The following GPC5 variants were observed in gnomAD, a reference collection of about 807,000 sequenced individuals.
The protein encoded by GPC5 is glypican-5.
Under a neutral mutation model 53.9 loss-of-function variants are expected in GPC5, and 47 were observed. The ratio of observed to expected loss-of-function variants is 0.87; its 90% CI spans 0.69 to 1.11. GPC5 has a LOEUF of 1.11. Among genes scored for constraint, GPC5 ranks in the 50% most tolerant of loss-of-function variants. The pLI is 0.00. For missense variants in GPC5, 748 were observed against 713.1 expected (o/e 1.05, Z -0.56); for synonymous variants, 286 against 263.3 (o/e 1.09, Z -0.84).
Position 92,789,642 on chromosome 13 carries a change from C to CA in GPC5, c.1562-76639dup, listed in dbSNP as rs1418198064. ...AGATTAGGTAATTTGCTCAAGCTCA[C>CA]ACAGCTAGTGGAACAAATAACAAAA... On this transcript the variant is annotated intron_variant, in intron 7 of 7. Transcript: ENST00000377067. Among the ~76,000 whole-genome samples the CA allele has an allele frequency of 2.6e-5, 4 of 152,134 alleles. No homozygotes were observed. In the East Asian group the frequency reaches 7.8e-4, roughly 29 times the overall value.
intron 6 of GPC5, chr13:91,994,794 C>T (rs1445906191): frequency 6.6e-6 from 1 of 152,076 alleles, no homozygotes; most frequent in Non-Finnish European, 1.5e-5. Flanking sequence ...CAACCCTGAT[C>T]CCCATTTTAG....
At chr13:91,450,123 T>G (rs1248439849) in intron 2 of GPC5, among the ~76,000 whole-genome samples, 1 of 152,180 alleles carries the variant, frequency 6.6e-6, no homozygotes, top group Non-Finnish European at 1.5e-5. Context: ...CATGATGAAT[T>G]AATGCTTTTT....
intron 5 of GPC5, among the ~76,000 whole-genome samples, chr13:91,817,165 C>G (rs919652602): frequency 1.3e-5 from 2 of 152,098 alleles, no homozygotes; most frequent in East Asian, 3.9e-4. Context: ...CCCAAAACAC[C>G]AAAATGCAAT....
intron 2 of GPC5, among the ~76,000 whole-genome samples, chr13:91,564,202 C>T (rs2031422809): frequency 6.6e-6 from 1 of 152,130 alleles, no homozygotes; most frequent in South Asian, 2.1e-4. Flanking sequence ...CCATCATCTT[C>T]GTGGTGATTT....
chr13:92,591,803 A>G lies in GPC5; in HGVS notation c.1562-274479A>G, dbSNP rs570178307. The stretch of plus-strand genomic sequence containing the variant: ...CGCCATTCTACTCTCTACTTCTATG[A>G]GATCAACTTTTTCAGATTCTATATG... On this transcript the variant is annotated intron_variant, in intron 7 of 7. Coordinates refer to ENST00000377067, the MANE Select transcript of GPC5 (RefSeq NM_004466.6). Among the ~76,000 whole-genome samples, 4 of 152,130 alleles carry G rather than the reference A, an allele frequency of 2.6e-5. No homozygotes were observed. The South Asian group carries it at 8.3e-4, about 32-fold the overall frequency.
At chr13:92,500,657 T>C (rs2138931660) in intron 7 of GPC5, among the ~76,000 whole-genome samples, 1 of 152,234 alleles carries the variant, frequency 6.6e-6, no homozygotes, top group African/African-American at 2.4e-5. Context: ...CCCCTACAGG[T>C]AGCAGTAGTA....
chr13:92,382,377 TAAAAA>T (rs1239306280), intron 7 of GPC5, among the ~76,000 whole-genome samples: 3 of 151,988 alleles, frequency 2.0e-5, no homozygotes, highest in African/African-American at 7.2e-5. Flanking sequence ...AATAAAAAGT[TAAAAA>T]GAAAAGCCTG....
At chr13:92,633,421 G>C (rs1322589008) in intron 7 of GPC5, among the ~76,000 whole-genome samples, 3 of 151,968 alleles carry the variant, frequency 2.0e-5, no homozygotes, top group African/African-American at 7.3e-5. Flanking sequence ...TAAAAGTATA[G>C]ATTAATTTAA....
chr13:92,710,012 C>A (rs1312929549), intron 7 of GPC5, among the ~76,000 whole-genome samples: 1 of 152,168 alleles, frequency 6.6e-6, no homozygotes, highest in Non-Finnish European at 1.5e-5. Flanking sequence ...CTAGGTCTTT[C>A]TGGTAAATTC....
At chr13:92,581,567 T>G (rs545290857) in intron 7 of GPC5, among the ~76,000 whole-genome samples, 4 of 152,140 alleles carry the variant, frequency 2.6e-5, no homozygotes, top group Non-Finnish European at 5.9e-5. Flanking sequence ...CAATTTCATA[T>G]CCTTTAGAAA....
intron 5 of GPC5, among the ~76,000 whole-genome samples, chr13:91,789,137 C>T (rs773299653): frequency 1.9e-4 from 29 of 151,932 alleles, no homozygotes; most frequent in Non-Finnish European, 3.8e-4. Context: ...CGCTTGAACC[C>T]GGGAGGTGGA....
chr13:92,579,302 C>CT (rs1883298939), intron 7 of GPC5, among the ~76,000 whole-genome samples: 2 of 36,726 alleles, frequency 5.4e-5, no homozygotes, highest in African/African-American at 3.2e-4. Context: ...TCTCTCTCTC[C>CT]CTCCCTCCCT....
At position 91,860,744 on chromosome 13, in the gene GPC5, C is replaced by T. The variant is rs557682072; in HGVS notation, c.1281-47193C>T. Among the ~76,000 whole-genome samples, 25 of 152,114 alleles carry T rather than the reference C, an allele frequency of 1.6e-4. No homozygotes were observed. In the South Asian group the frequency reaches 3.5e-3, roughly 21 times the overall value. ...CTTGAACTCCTGACCTCCAGTGATC[C>T]GCCTACCTCGGCCTTCCAAAGTGCT... On this transcript the variant is annotated intron_variant, in intron 5 of 7. Coordinates refer to ENST00000377067, the MANE Select transcript of GPC5 (RefSeq NM_004466.6).
chr13:92,655,407 T>C (rs1293538611), intron 7 of GPC5, among the ~76,000 whole-genome samples: 1 of 152,108 alleles, frequency 6.6e-6, no homozygotes, highest in Non-Finnish European at 1.5e-5. Flanking sequence ...CAATCTCGAC[T>C]CACTGCAAAC....
intron 7 of GPC5, among the ~76,000 whole-genome samples, chr13:92,819,872 A>C (rs1877615359): frequency 6.6e-6 from 1 of 152,160 alleles, no homozygotes; most frequent in African/African-American, 2.4e-5. Context: ...AACTTTCAAC[A>C]TGACTGCCTC....
At chr13:92,722,727 T>C (rs1350734949) in intron 7 of GPC5, among the ~76,000 whole-genome samples, 1 of 151,838 alleles carries the variant, frequency 6.6e-6, no homozygotes, top group African/African-American at 2.4e-5. Flanking sequence ...AAAAAAGGAA[T>C]AGAACTCCAG....
chr13:92,110,485 T>C (rs948446991), intron 6 of GPC5, among the ~76,000 whole-genome samples: 1 of 152,102 alleles, frequency 6.6e-6, no homozygotes, highest in Non-Finnish European at 1.5e-5. Flanking sequence ...TGGGCAGCTA[T>C]TTCCTTTCCA....
chr13:91,784,724 C>T (rs1246769624), intron 5 of GPC5, among the ~76,000 whole-genome samples: 2 of 28,926 alleles, frequency 6.9e-5, no homozygotes, highest in African/African-American at 2.3e-4. Flanking sequence ...AACTCCATCT[C>T]AGAAAAAAAA....
intron 7 of GPC5, among the ~76,000 whole-genome samples, chr13:92,475,275 C>T (rs1360908185): frequency 6.8e-6 from 1 of 147,474 alleles, no homozygotes; most frequent in Non-Finnish European, 1.5e-5. Flanking sequence ...GGCATTGAAT[C>T]TGTAAATTAC....
Sources: gnomAD v4.1 joint callset for allele counts (sites outside exome capture counted in the v4.1 genomes callset) on GRCh38, gnomAD v4.1.1 for gene constraint, MANE v1.5 for transcripts, NCBI Gene and HGNC (gene_info 2026-07-23, HGNC 2026-07-21) for gene names.